GPHN: variants seen among roughly 807,000 people sequenced by gnomAD.
The protein encoded by GPHN is gephyrin.
In GPHN, 17 loss-of-function variants were observed where a neutral mutation model predicts 95.5. The observed-to-expected ratio is 0.18, with a 90% CI of 0.12 to 0.27. GPHN has a LOEUF of 0.27. Ranked by LOEUF, GPHN falls within the 10% of genes least tolerant of loss-of-function variation. The pLI is 1.00. For synonymous variants in GPHN, 320 were observed against 322.5 expected, an observed-to-expected ratio of 0.99 and a Z score of 0.08; for missense variants, 660 against 978.1, an observed-to-expected ratio of 0.67 and a Z score of 4.34.
intron 3 of GPHN, among the ~76,000 whole-genome samples, chr14:66,803,265 A>G (rs75636090): frequency 0.012 from 1,876 of 152,278 alleles, 18 homozygotes; most frequent in Non-Finnish European, 0.018. Context: ...GGGCACAGAA[A>G]TGCTGTCTGC....
chr14:67,155,370 T>C (rs1226203249), intron 18 of GPHN, among the ~76,000 whole-genome samples: 1 of 152,196 alleles, frequency 6.6e-6, no homozygotes, highest in Non-Finnish European at 1.5e-5. Flanking sequence ...TACCTGATAT[T>C]TGGGCTTCAA....
At chr14:67,586,137 A>C in the GPHN span, 1 of 1,607,882 alleles carries the variant, frequency 6.2e-7, no homozygotes, top group Non-Finnish European at 8.5e-7. Context: ...CTCTGGCAAG[A>C]TGTGGTGGGC....
intron 1 of GPHN, among the ~76,000 whole-genome samples, chr14:66,530,818 G>A (rs530563260): frequency 1.2e-4 from 18 of 152,126 alleles, no homozygotes; most frequent in African/African-American, 4.3e-4. Flanking sequence ...AATGAGATGA[G>A]CCAGGTACCT....
the GPHN span, among the ~76,000 whole-genome samples, chr14:67,622,002 CAGA>C: frequency 6.6e-6 from 1 of 152,014 alleles, no homozygotes; most frequent in East Asian, 2.0e-4. Flanking sequence ...GAGCCTGAGA[CAGA>C]AGAATTGCTT....
At chr14:67,461,952 T>C in the GPHN span, among the ~76,000 whole-genome samples, 1 of 152,248 alleles carries the variant, frequency 6.6e-6, no homozygotes, top group Non-Finnish European at 1.5e-5. Flanking sequence ...TTGGCTTTGA[T>C]TGGGCAGGTC....
intron 9 of GPHN, among the ~76,000 whole-genome samples, chr14:66,976,602 C>T (rs563560921): frequency 6.6e-6 from 1 of 152,168 alleles, no homozygotes; most frequent in East Asian, 1.9e-4. Flanking sequence ...ACTCATTCTA[C>T]TTTTGTTAAA....
chr14:67,359,676 T>G, the GPHN span: 1 of 1,614,008 alleles, frequency 6.2e-7, no homozygotes, highest in South Asian at 1.1e-5. Context: ...GGGAAAGATT[T>G]CAATTCGGTC....
intron 2 of GPHN, among the ~76,000 whole-genome samples, chr14:66,714,059 A>G (rs1168687955): frequency 2.6e-5 from 4 of 152,104 alleles, no homozygotes; most frequent in African/African-American, 7.2e-5. Flanking sequence ...GTGAACCACC[A>G]TGCCAGGCCC....
At chr14:67,428,725 C>T in the GPHN span, among the ~76,000 whole-genome samples, 12 of 152,356 alleles carry the variant, frequency 7.9e-5, no homozygotes, top group African/African-American at 2.6e-4. Flanking sequence ...CCCTACTCAA[C>T]GCTGCCCCTT....
At chr14:66,679,135 G>A (rs138305632) in intron 1 of GPHN, among the ~76,000 whole-genome samples, 2,920 of 152,332 alleles carry the variant, frequency 0.019, 37 homozygotes, top group Middle Eastern at 0.034. Context: ...TGTAGTTGTA[G>A]CAGGCCCTGG....
At chr14:67,056,637 A>G (rs979867244) in intron 10 of GPHN, among the ~76,000 whole-genome samples, 5 of 152,228 alleles carry the variant, frequency 3.3e-5, no homozygotes, top group East Asian at 1.9e-4. Context: ...CCAAGTCCCC[A>G]CCAGACTCAG....
chr14:67,236,404 T>C, the GPHN span, among the ~76,000 whole-genome samples: 2 of 152,224 alleles, frequency 1.3e-5, no homozygotes, highest in Non-Finnish European at 2.9e-5. Context: ...AGCACACTTA[T>C]GTTCATTCAC....
intron 9 of GPHN, among the ~76,000 whole-genome samples, chr14:66,980,029 C>T (rs1256436231): frequency 6.6e-6 from 1 of 152,048 alleles, no homozygotes; most frequent in Admixed American, 6.6e-5. Flanking sequence ...TACATGGGCA[C>T]CATTTGTGGT....
chr14:66,725,145 C>T (rs902188302), intron 2 of GPHN, among the ~76,000 whole-genome samples: 23 of 152,286 alleles, frequency 1.5e-4, no homozygotes, highest in African/African-American at 5.3e-4. Flanking sequence ...AGATGGCTGT[C>T]TTTGAGCCAG....
chr14:67,020,163 G>A (rs2073533928), intron 9 of GPHN, among the ~76,000 whole-genome samples: 1 of 152,096 alleles, frequency 6.6e-6, no homozygotes, highest in Non-Finnish European at 1.5e-5. Context: ...TCATGTGTTT[G>A]GGTGTGTTTT....
the GPHN span, among the ~76,000 whole-genome samples, chr14:67,263,715 T>G: frequency 8.5e-5 from 13 of 152,310 alleles, no homozygotes; most frequent in East Asian, 2.5e-3. Flanking sequence ...TGTAAACTGA[T>G]GATAACTTTG....
the GPHN span, among the ~76,000 whole-genome samples, chr14:67,411,797 G>A: frequency 6.6e-6 from 1 of 152,244 alleles, no homozygotes; most frequent in South Asian, 2.1e-4. Context: ...TAACCAAGTG[G>A]GATTCTCCTC....
At chr14:67,673,297 T>G in the GPHN span, among the ~76,000 whole-genome samples, 1 of 151,972 alleles carries the variant, frequency 6.6e-6, no homozygotes, top group Non-Finnish European at 1.5e-5. Flanking sequence ...TGAGCCGAGA[T>G]CGTGCCACTG....
the GPHN span, among the ~76,000 whole-genome samples, chr14:67,435,942 G>A: frequency 4.6e-5 from 7 of 152,300 alleles, no homozygotes; most frequent in South Asian, 2.1e-4. Flanking sequence ...TGGAGACTGC[G>A]GATGGTTAAG....
Sources: gnomAD v4.1 joint callset for allele counts (sites outside exome capture counted in the v4.1 genomes callset) on GRCh38, gnomAD v4.1.1 for gene constraint, MANE v1.5 for transcripts, NCBI Gene and HGNC (gene_info 2026-07-23, HGNC 2026-07-21) for gene names.